HNRNPM: variants seen among roughly 807,000 people sequenced by gnomAD.
HNRNPM encodes the protein CEA receptor.
HNRNPM carries 11 observed loss-of-function variants against 73.1 expected under a neutral mutation model. The ratio of observed to expected loss-of-function variants is 0.15; its 90% CI spans 0.09 to 0.25. The LOEUF (loss-of-function observed/expected upper bound fraction) is 0.25. Among genes scored for constraint, HNRNPM ranks in the 10% least tolerant of loss-of-function variants. The probability of loss-of-function intolerance (pLI) is 1.00; values close to 1 mark genes in which losing one functional copy is unlikely to be tolerated. For missense variants in HNRNPM, 789 were observed against 1,067.9 expected (o/e 0.74, Z 3.64); for synonymous variants, 407 against 355.2 (o/e 1.15, Z -1.64).
rs550691598 is a variant in HNRNPM at position 8,466,594 on chromosome 19, A to G, written c.784+206A>G. On this transcript the variant is annotated intron_variant, in intron 7 of 15. Transcript: ENST00000325495. The stretch of plus-strand genomic sequence containing the variant: ...TGTAATCCCAGCACTTCGGGAGGCC[A>G]AGGCGGGCGGATCACTTGAGGTCAG... Among the ~76,000 whole-genome samples the G allele has an allele frequency of 2.0e-4, 31 of 152,150 alleles. No homozygotes were observed. The South Asian group carries it at 6.2e-3, about 31-fold the overall frequency.
intron 12 of HNRNPM, among the ~76,000 whole-genome samples, chr19:8,480,375 C>T (rs1599841182): frequency 7.2e-6 from 1 of 138,322 alleles, no homozygotes; most frequent in Admixed American, 7.7e-5. Context: ...AACTTACTGT[C>T]ATTTGCCTGC....
At chr19:8,457,539 C>T (rs1031412171) in intron 2 of HNRNPM, among the ~76,000 whole-genome samples, 1 of 151,948 alleles carries the variant, frequency 6.6e-6, no homozygotes, top group African/African-American at 2.4e-5. Flanking sequence ...TTTAGAGCTC[C>T]CCTGTACTGG....
rs367782770 is a variant in HNRNPM at position 8,468,996 on chromosome 19, C to G, written c.895+162C>G. On this transcript the variant is annotated intron_variant, in intron 9 of 15. Transcript: ENST00000325495. Reference sequence around the variant, plus strand: ...TCAGGGTGAGAAATGAGCAGAGATTCACAACTTGAGGATATTGTTAGGATT... The same window carrying G: ...TCAGGGTGAGAAATGAGCAGAGATTGACAACTTGAGGATATTGTTAGGATT... 5.3e-5 allele frequency among the ~76,000 whole-genome samples: 8 copies of G among 152,086 alleles called. No homozygotes were observed. The East Asian group carries it at 1.3e-3, about 26-fold the overall frequency.
intron 12 of HNRNPM, chr19:8,482,948 G>A (rs1392469961): frequency 2.8e-5 from 15 of 539,132 alleles, no homozygotes; most frequent in South Asian, 7.5e-5. Context: ...AGACTCTGGA[G>A]CTACGTGGGG....
chr19:8,478,711 A>G (rs1361216994), intron 12 of HNRNPM, among the ~76,000 whole-genome samples: 1 of 152,206 alleles, frequency 6.6e-6, no homozygotes, highest in Non-Finnish European at 1.5e-5. Context: ...ATGGCTTTTT[A>G]AAAAATTGGC....
At chr19:8,483,131 A>AT (rs755800334) in intron 12 of HNRNPM, 27 bp from the exon 13 acceptor site, 1,583 of 1,517,050 alleles carry the variant, frequency 1.0e-3, no homozygotes, top group African/African-American at 2.4e-3. Context: ...AATTTGGCTA[A>AT]TTTTTTTTTC....
At chr19:8,454,502 A>G (rs1415529923) in intron 1 of HNRNPM, among the ~76,000 whole-genome samples, 1 of 151,822 alleles carries the variant, frequency 6.6e-6, no homozygotes, top group East Asian at 1.9e-4. Flanking sequence ...GGTTGTTTCT[A>G]CCTTTTGGCT....
At chr19:8,469,472 GAGTTTTATGGTATGTGA>G (rs1969984757) in intron 9 of HNRNPM, among the ~76,000 whole-genome samples, 1 of 152,210 alleles carries the variant, frequency 6.6e-6, no homozygotes, top group Admixed American at 6.5e-5. Context: ...CGAATACTTT[GAGTTTTATGGTATGTGA>G]AGTGTCTTGA....
At chr19:8,481,178 A>G (rs1256537241) in intron 12 of HNRNPM, among the ~76,000 whole-genome samples, 1 of 152,198 alleles carries the variant, frequency 6.6e-6, no homozygotes, top group African/African-American at 2.4e-5. Context: ...TGCTTCAAAA[A>G]TTTGGATAGG....
intron 1 of HNRNPM, among the ~76,000 whole-genome samples, chr19:8,447,743 C>G (rs1425062659): frequency 6.6e-6 from 1 of 152,044 alleles, no homozygotes; most frequent in Non-Finnish European, 1.5e-5. Context: ...AAAAACAAAA[C>G]AGGCTGGGCC....
chr19:8,446,828 C>T (rs1260578019), intron 1 of HNRNPM, among the ~76,000 whole-genome samples: 1 of 152,128 alleles, frequency 6.6e-6, no homozygotes, highest in African/African-American at 2.4e-5. Context: ...TGGTTACTGG[C>T]CCTTAGAAAT....
chr19:8,456,566 G>A (rs959412260), intron 2 of HNRNPM, among the ~76,000 whole-genome samples: 2 of 152,208 alleles, frequency 1.3e-5, no homozygotes, highest in Non-Finnish European at 2.9e-5. Context: ...GAAAAGAGAT[G>A]TGAGCTTGAT....
chr19:8,465,949 G>C (rs368552029), intron 6 of HNRNPM, among the ~76,000 whole-genome samples: 3 of 152,120 alleles, frequency 2.0e-5, no homozygotes, highest in Non-Finnish European at 2.9e-5. Context: ...GCTTATCAGG[G>C]AAACAATTTT....
At chr19:8,451,064 G>A (rs1327760259) in intron 1 of HNRNPM, among the ~76,000 whole-genome samples, 4 of 151,992 alleles carry the variant, frequency 2.6e-5, no homozygotes, top group Non-Finnish European at 5.9e-5. Flanking sequence ...CTGCCACCAC[G>A]CCCAGCTAAT....
chr19:8,471,721 A>G (rs1188398303), intron 10 of HNRNPM, among the ~76,000 whole-genome samples: 1 of 152,200 alleles, frequency 6.6e-6, no homozygotes, highest in African/African-American at 2.4e-5. Flanking sequence ...GATCTTGCTC[A>G]AGGTCACACT....
At chr19:8,475,257 C>T (rs1970420018) in intron 12 of HNRNPM, among the ~76,000 whole-genome samples, 1 of 147,432 alleles carries the variant, frequency 6.8e-6, no homozygotes, top group Admixed American at 6.7e-5. Flanking sequence ...TTTAGAAGTG[C>T]CTCCAGCACA....
chr19:8,456,222 G>A (rs1223369520), intron 2 of HNRNPM, among the ~76,000 whole-genome samples: 2 of 152,164 alleles, frequency 1.3e-5, no homozygotes, highest in Admixed American at 6.5e-5. Flanking sequence ...CCTTCCAGCC[G>A]AGGGCAGGGG....
chr19:8,476,195 C>T (rs572447133), intron 12 of HNRNPM, among the ~76,000 whole-genome samples: 1 of 152,044 alleles, frequency 6.6e-6, no homozygotes, highest in Non-Finnish European at 1.5e-5. Flanking sequence ...TTCTGAGATA[C>T]GGCACTCGGA....
chr19:8,476,769 G>C (rs1453915197), intron 12 of HNRNPM, among the ~76,000 whole-genome samples: 2 of 152,188 alleles, frequency 1.3e-5, no homozygotes, highest in African/African-American at 2.4e-5. Context: ...CTTGTCTGGA[G>C]TGGGGTGCTG....
Sources: allele counts gnomAD v4.1 joint callset (sites outside exome capture counted in the v4.1 genomes callset), GRCh38; gene constraint gnomAD v4.1.1; transcripts MANE v1.5; gene names NCBI Gene and HGNC (gene_info 2026-07-23, HGNC 2026-07-21).